The following TMEM17 variants were observed in gnomAD, a reference collection of about 807,000 sequenced individuals.
TMEM17 encodes the protein transmembrane protein 17.
In TMEM17, 15 loss-of-function variants were observed where a neutral mutation model predicts 19.1. The ratio of observed to expected loss-of-function variants is 0.78; its 90% CI spans 0.52 to 1.21. TMEM17 has a LOEUF of 1.21. Ranked by LOEUF, TMEM17 falls within the 50% of genes most tolerant of loss-of-function variation. TMEM17 has a pLI of 0.00. For synonymous variants in TMEM17, 103 were observed against 86.9 expected (o/e 1.19, Z -1.03); for missense variants, 245 against 242.3 (o/e 1.01, Z -0.07).
the TMEM17 span, among the ~76,000 whole-genome samples, chr2:62,473,038 T>C: frequency 1.3e-5 from 2 of 152,142 alleles, no homozygotes; most frequent in Admixed American, 6.5e-5. Context: ...AACTCAGAGA[T>C]GGGAAAACTT....
the TMEM17 span, among the ~76,000 whole-genome samples, chr2:62,483,829 G>T: frequency 6.6e-6 from 1 of 152,100 alleles, no homozygotes; most frequent in African/African-American, 2.4e-5. Context: ...TTGATCTCCT[G>T]ACCTCAGATG....
chr2:62,502,055 T>A (rs1311732511), intron 3 of TMEM17: 1 of 165,758 alleles, frequency 6.0e-6, no homozygotes, highest in African/African-American at 2.4e-5. Context: ...GGGCCTGGCA[T>A]AGGAAATGAA....
intron 3 of TMEM17, 150 bp from the exon 4 acceptor site, chr2:62,501,637 A>T: frequency 2.7e-6 from 2 of 745,898 alleles, no homozygotes; most frequent in Middle Eastern, 3.5e-4. Context: ...GTCCTCAGAG[A>T]ACTTACAGTC....
the TMEM17 span, among the ~76,000 whole-genome samples, chr2:62,462,099 C>G: frequency 1.3e-5 from 2 of 152,182 alleles, no homozygotes; most frequent in African/African-American, 4.8e-5. Flanking sequence ...GTGAACAATT[C>G]TCTCCTCCAT....
the TMEM17 span, among the ~76,000 whole-genome samples, chr2:62,460,061 A>G: frequency 3.3e-5 from 5 of 152,252 alleles, no homozygotes. Flanking sequence ...AGTGGGGCTC[A>G]TGCCTGTTAC....
rs1679920983 is a variant in TMEM17, at chr2:62,501,288, A to G, written c.518T>C (p.Phe173Ser). 2.5e-6 allele frequency: 4 copies of G among 1,614,244 alleles called. No individual in the cohort carries two copies. The highest frequency in any genetic ancestry group is 3.4e-6 in the Non-Finnish European group (4 of 1,180,034). Residue 173 changes from phenylalanine to serine, a missense_variant, in exon 4 of 4, where the codon TTC becomes TCC. Physicochemically the swap from Phe to Ser is radical, Grantham distance 155. Transcript: ENST00000335390. ...GAGCCGGTCAAAGTCTTGGAGGTGG[A>G]AACGAACTGCCAACTGATTAACCAT... is the stretch of plus-strand genomic sequence containing the variant. Reference protein sequence around the residue: ...RKMVNQLAVRFHLQDFDRLSA... With the variant: ...RKMVNQLAVRSHLQDFDRLSA...
rs911664389 is a variant in TMEM17 at position 62,500,812 on chromosome 2, C to G, written c.*397G>C. The G allele has an allele frequency of 1.9e-5, 3 of 156,966 alleles. No individual in the cohort carries two copies. The highest frequency in any genetic ancestry group is 7.2e-5 in the African/African-American group (3 of 41,450). 9.7% of individuals were successfully genotyped at this position (156,966 alleles called of 1,614,324 possible). A position where few individuals can be genotyped will look rare whatever the true frequency, so the allele number is the denominator to read the frequency against. On this transcript the variant is annotated 3_prime_UTR_variant, in exon 4 of 4. Transcript: ENST00000335390. ...GGAACACTGACTGGTATTTCCATGT[C>G]AAGAAACATGGTCATATGTACAGAC...
At chr2:62,476,736 G>A in the TMEM17 span, among the ~76,000 whole-genome samples, 1 of 152,156 alleles carries the variant, frequency 6.6e-6, no homozygotes, top group East Asian at 1.9e-4. Flanking sequence ...CTGGACAAGG[G>A]GAATTTAGAA....
the TMEM17 span, chr2:62,491,488 AAAC>A: frequency 4.6e-5 from 7 of 152,680 alleles, no homozygotes; most frequent in South Asian, 4.1e-4. Flanking sequence ...ACAAACAAAC[AAAC>A]AACAACAACA....
the TMEM17 span, among the ~76,000 whole-genome samples, chr2:62,490,354 C>T: frequency 6.6e-6 from 1 of 152,094 alleles, no homozygotes; most frequent in Admixed American, 6.5e-5. Context: ...GCCTCAACCA[C>T]CCAGGCTCAA....
the TMEM17 span, among the ~76,000 whole-genome samples, chr2:62,471,429 G>C: frequency 0.067 from 4,929 of 73,858 alleles, 154 homozygotes; most frequent in African/African-American, 0.21. Context: ...GCTTCCTTCT[G>C]TTTCTAAGAC....
At chr2:62,486,776 T>C in the TMEM17 span, among the ~76,000 whole-genome samples, 2 of 152,220 alleles carry the variant, frequency 1.3e-5, no homozygotes, top group East Asian at 3.9e-4. Context: ...GGGACAGATA[T>C]GAGCTTCCTG....
chr2:62,488,956 G>A, the TMEM17 span, among the ~76,000 whole-genome samples: 1 of 152,058 alleles, frequency 6.6e-6, no homozygotes, highest in African/African-American at 2.4e-5. Context: ...CAGGGATGTA[G>A]GCTTTTAAGC....
chr2:62,456,256 A>T, the TMEM17 span, among the ~76,000 whole-genome samples: 1 of 152,232 alleles, frequency 6.6e-6, no homozygotes, highest in Admixed American at 6.5e-5. Flanking sequence ...AATCAGTTTC[A>T]CTGGGCCAAA....
the TMEM17 span, among the ~76,000 whole-genome samples, chr2:62,490,173 C>T: frequency 2.0e-5 from 3 of 152,086 alleles, no homozygotes; most frequent in Non-Finnish European, 4.4e-5. Flanking sequence ...GAGATTCTGT[C>T]TCAAAAGAAA....
intron 1 of TMEM17, 130 bp from the exon 2 acceptor site, chr2:62,502,924 A>G (rs1179627541): frequency 1.8e-5 from 8 of 438,844 alleles, no homozygotes; most frequent in Non-Finnish European, 3.2e-5. Context: ...GCCTATTTAT[A>G]ATCATTGACA....
chr2:62,468,292 A>G, the TMEM17 span, among the ~76,000 whole-genome samples: 1 of 152,188 alleles, frequency 6.6e-6, no homozygotes, highest in South Asian at 2.1e-4. Flanking sequence ...CTCTAGCCTC[A>G]GGAGAGCTGG....
At chr2:62,455,580 A>G in the TMEM17 span, among the ~76,000 whole-genome samples, 1 of 152,222 alleles carries the variant, frequency 6.6e-6, no homozygotes, top group African/African-American at 2.4e-5. Context: ...CAGCCTGGCC[A>G]ACATTGTGAA....
At chr2:62,488,949 G>T in the TMEM17 span, among the ~76,000 whole-genome samples, 1 of 151,994 alleles carries the variant, frequency 6.6e-6, no homozygotes, top group Non-Finnish European at 1.5e-5. Context: ...AATAATACAG[G>T]GATGTAGGCT....
Sources: allele counts gnomAD v4.1 joint callset (sites outside exome capture counted in the v4.1 genomes callset), GRCh38; gene constraint gnomAD v4.1.1; transcripts MANE v1.5; gene names NCBI Gene and HGNC (gene_info 2026-07-23, HGNC 2026-07-21).